FRMPD1: variants seen among roughly 807,000 people sequenced by gnomAD.
The protein encoded by FRMPD1 is FERM and PDZ domain-containing protein 1.
Under a neutral mutation model 117.8 loss-of-function variants are expected in FRMPD1, and 76 were observed. That is an observed-to-expected ratio of 0.65 (90% CI 0.54 to 0.78). FRMPD1 has a LOEUF of 0.78. Ranked by LOEUF, FRMPD1 falls within the 30% of genes least tolerant of loss-of-function variation. The pLI is 0.00. For missense variants in FRMPD1, 1,786 were observed against 1,964.5 expected (o/e 0.91, Z 1.72); for synonymous variants, 783 against 770.4 (o/e 1.02, Z -0.27).
the FRMPD1 span, among the ~76,000 whole-genome samples, chr9:37,603,635 G>A: frequency 9.9e-5 from 15 of 151,874 alleles, no homozygotes; most frequent in Admixed American, 3.3e-4. Context: ...GTGTTTATTG[G>A]CTAATAGGTT....
chr9:37,632,267 A>G, the FRMPD1 span, among the ~76,000 whole-genome samples: 2 of 152,218 alleles, frequency 1.3e-5, no homozygotes, highest in African/African-American at 4.8e-5. Flanking sequence ...ATTTCCTAAT[A>G]TTCTGTTCAA....
intron 1 of FRMPD1, among the ~76,000 whole-genome samples, chr9:37,658,774 C>T (rs984582793): frequency 2.7e-4 from 41 of 152,212 alleles, no homozygotes; most frequent in African/African-American, 9.2e-4. Flanking sequence ...AGCACGTCAT[C>T]TAAAGATCAT....
chr9:37,629,028 G>A, the FRMPD1 span, among the ~76,000 whole-genome samples: 5 of 152,140 alleles, frequency 3.3e-5, no homozygotes, highest in Non-Finnish European at 4.4e-5. Context: ...GTGAAACCCT[G>A]TCTCTACTAA....
At chr9:37,662,272 G>A (rs1936342605) in intron 1 of FRMPD1, among the ~76,000 whole-genome samples, 1 of 152,158 alleles carries the variant, frequency 6.6e-6, no homozygotes, top group Non-Finnish European at 1.5e-5. Flanking sequence ...GTCTGTTCAT[G>A]AGGGTGGTGC....
At chr9:37,698,203 C>T (rs1378660049) in intron 2 of FRMPD1, among the ~76,000 whole-genome samples, 2 of 152,256 alleles carry the variant, frequency 1.3e-5, no homozygotes, top group Non-Finnish European at 2.9e-5. Context: ...CAAAAATCTT[C>T]ATCCAATACA....
the FRMPD1 span, among the ~76,000 whole-genome samples, chr9:37,610,847 C>T: frequency 6.6e-6 from 1 of 152,122 alleles, no homozygotes; most frequent in East Asian, 1.9e-4. Flanking sequence ...GGTGATCTGC[C>T]CGCCTCAGCT....
At position 37,711,368 on chromosome 9, in the gene FRMPD1, T is replaced by G. The variant is rs768531662; in HGVS notation, c.381T>G (p.Leu127=). The G allele has an allele frequency of 1.2e-6, 2 of 1,610,506 alleles. No homozygotes were observed. The highest frequency in any genetic ancestry group is 1.7e-6 in the Non-Finnish European group (2 of 1,176,698). ...VDILREAEDS[L]SITVVRCTSG... Reference sequence around the variant, plus strand: ...TTTTCAGGGAAGCAGAAGATTCTCTTTCAATCACAGTTGTTCGCTGCACGT... The same window carrying G: ...TTTTCAGGGAAGCAGAAGATTCTCTGTCAATCACAGTTGTTCGCTGCACGT... Residue 127 remains leucine (L), a synonymous_variant, in exon 5 of 16, where the codon CTT becomes CTG. Transcript: ENST00000377765.
the FRMPD1 span, among the ~76,000 whole-genome samples, chr9:37,639,668 C>T: frequency 3.3e-5 from 5 of 152,156 alleles, 1 homozygote; most frequent in Admixed American, 3.3e-4. Context: ...CATCCATGGG[C>T]TGGATGACTC....
Position 37,745,587 on chromosome 9 carries a change from C to T in FRMPD1, c.3555C>T (p.Ser1185=), listed in dbSNP as rs767984308. 1.9e-6 allele frequency: 3 copies of T among 1,614,120 alleles called. No individual in the cohort carries two copies. Among genetic ancestry groups the T allele is most frequent in the East Asian group, 2.2e-5 (1 of 44,888 alleles). ...PHPPRDPQGQ[S]REPPGQGCQA... is the part of the protein sequence containing the mutation. The stretch of plus-strand genomic sequence containing the variant: ...CCCCTAGAGACCCTCAAGGACAGAG[C>T]AGAGAACCCCCAGGGCAAGGCTGCC... The change falls in exon 16 of 16, where the codon AGC becomes AGT. Residue 1185 remains serine, a synonymous_variant. Coordinates refer to ENST00000377765, the MANE Select transcript of FRMPD1 (RefSeq NM_014907.3).
chr9:37,633,787 G>A, the FRMPD1 span, among the ~76,000 whole-genome samples: 1 of 152,188 alleles, frequency 6.6e-6, no homozygotes, highest in African/African-American at 2.4e-5. Context: ...TTTGAGCTTG[G>A]GAGGTTGAGG....
intron 1 of FRMPD1, among the ~76,000 whole-genome samples, chr9:37,685,452 G>A (rs995357339): frequency 2.0e-5 from 3 of 151,928 alleles, no homozygotes; most frequent in East Asian, 1.9e-4. Flanking sequence ...GACTATCCTG[G>A]CTAACACGGT....
the FRMPD1 span, among the ~76,000 whole-genome samples, chr9:37,643,841 G>T: frequency 6.6e-6 from 1 of 152,134 alleles, no homozygotes; most frequent in Non-Finnish European, 1.5e-5. Flanking sequence ...TACCTGGCTG[G>T]GTCCACCAGG....
rs149374781 is a variant in FRMPD1, at chr9:37,731,881, A to G, written c.859-423A>G. ...GAGCGGGATTCTGTCTCCAGAAAAGAAAAAAAAAAAGAAAAAGAATCATTT... is the reference window on the plus strand; with the variant it reads ...GAGCGGGATTCTGTCTCCAGAAAAGGAAAAAAAAAAGAAAAAGAATCATTT... On this transcript the variant is annotated intron_variant, in intron 9 of 15. Transcript: ENST00000377765. Among the ~76,000 whole-genome samples, 1,298 of 147,508 alleles carry G rather than the reference A, an allele frequency of 8.8e-3. 17 individuals are homozygous for G. Among genetic ancestry groups the G allele is most frequent in the African/African-American group, 0.031 (1,238 of 40,362 alleles).
the FRMPD1 span, chr9:37,637,333 C>T: frequency 2.1e-6 from 2 of 958,738 alleles, no homozygotes; most frequent in Non-Finnish European, 1.7e-6. Flanking sequence ...CCAGTCGGCT[C>T]TGCTCCGCCT....
At chr9:37,715,245 A>T (rs10973506) in intron 5 of FRMPD1, among the ~76,000 whole-genome samples, 34,916 of 152,180 alleles carry the variant, frequency 0.23, 4,396 homozygotes, top group East Asian at 0.51. Context: ...CCAAAAGGAA[A>T]TGCTACGAGG....
At chr9:37,712,905 C>A (rs1425351593) in intron 5 of FRMPD1, among the ~76,000 whole-genome samples, 2 of 151,840 alleles carry the variant, frequency 1.3e-5, no homozygotes, top group Non-Finnish European at 2.9e-5. Flanking sequence ...TCTTTAAAGA[C>A]AAAAGTTATA....
intron 2 of FRMPD1, among the ~76,000 whole-genome samples, chr9:37,694,488 GC>G (rs981583398): frequency 5.3e-5 from 8 of 152,142 alleles, no homozygotes; most frequent in African/African-American, 1.9e-4. Flanking sequence ...GAAACCCTGT[GC>G]CCTTTAGCAG....
At chr9:37,725,159 G>A (rs1007339765) in intron 7 of FRMPD1, among the ~76,000 whole-genome samples, 3 of 152,162 alleles carry the variant, frequency 2.0e-5, no homozygotes, top group African/African-American at 7.2e-5. Context: ...TGGAAGGAGT[G>A]GCTGTGGAGG....
intron 1 of FRMPD1, among the ~76,000 whole-genome samples, chr9:37,692,155 A>T (rs1298320261): frequency 6.6e-6 from 1 of 152,244 alleles, no homozygotes; most frequent in Non-Finnish European, 1.5e-5. Flanking sequence ...TGAAATACTT[A>T]TTCAAAAATT....
Sources: gnomAD v4.1 joint callset for allele counts (sites outside exome capture counted in the v4.1 genomes callset) on GRCh38, gnomAD v4.1.1 for gene constraint, MANE v1.5 for transcripts, NCBI Gene and HGNC (gene_info 2026-07-23, HGNC 2026-07-21) for gene names.